The following PURA variants were observed in gnomAD, a reference collection of about 807,000 sequenced individuals.
The protein encoded by PURA is purine rich element binding protein A.
Under a neutral mutation model 23.1 loss-of-function variants are expected in PURA, and 2 were observed. The observed-to-expected ratio is 0.09, with a 90% confidence interval of 0.04 to 0.27. The LOEUF (loss-of-function observed/expected upper bound fraction) is 0.27, where lower values mean the gene tolerates loss of function less well. Among genes scored for constraint, PURA ranks in the 10% least tolerant of loss-of-function variants. The probability of loss-of-function intolerance (pLI) is 1.00; values close to 1 mark genes in which losing one functional copy is unlikely to be tolerated. For synonymous variants in PURA, 254 were observed against 205.9 expected (o/e 1.23, Z -2.00); for missense variants, 187 against 449.7 (o/e 0.42, Z 5.28).
Position 140,122,977 on chromosome 5 carries a change from G to A in PURA, c.*7827G>A, listed in dbSNP as rs980663432. 1.8e-5 allele frequency: 3 copies of A among 166,726 alleles called. No homozygotes were observed. The highest frequency in any genetic ancestry group is 7.3e-5 in the African/African-American group (3 of 41,378). 10.3% of individuals were successfully genotyped at this position (166,726 alleles called of 1,614,324 possible). A position where few individuals can be genotyped will look rare whatever the true frequency, so the allele number is the denominator to read the frequency against. On this transcript the variant is annotated 3_prime_UTR_variant, in exon 1 of 1. Coordinates refer to ENST00000331327, the MANE Select transcript of PURA (RefSeq NM_005859.5). The stretch of plus-strand genomic sequence containing the variant: ...CTCTTTTAAAAATAGCAAAAAAGTG[G>A]TTCTGATTTTGTACTTTGAAGGTAA...
Position 140,116,716 on chromosome 5 carries a change from T to C in PURA, c.*1566T>C, listed in dbSNP as rs1175750899. ...TAAAATATTAATATATTTTTATCAT[T>C]AAACTGCTGCATGACTATCATCTTT... On this transcript the variant is annotated 3_prime_UTR_variant, in exon 1 of 1. Transcript: ENST00000331327. 1 of 166,394 alleles carries C rather than the reference T, an allele frequency of 6.0e-6. No homozygotes were observed. Among genetic ancestry groups the C allele is most frequent in the Non-Finnish European group, 1.5e-5 (1 of 68,064 alleles). The allele number at this position is 166,394 out of a possible 1,614,324, so 10.3% of individuals were successfully genotyped here.
chr5:140,114,495 C>T lies in PURA; in HGVS notation c.314C>T (p.Ser105Leu). 6.2e-7 allele frequency: 1 copy of T among 1,612,182 alleles called. No homozygotes were observed. Among genetic ancestry groups the T allele is most frequent in the Non-Finnish European group, 8.5e-7 (1 of 1,179,510 alleles). ...GNKSRLTLSMSVAVEFRDYLG... is the reference protein window; with the variant it reads ...GNKSRLTLSMLVAVEFRDYLG... ...AAGAGCCGCCTTACTCTCTCCATGT[C>T]AGTGGCCGTGGAGTTCCGCGACTAC... The change falls in exon 1 of 1, where the codon TCA becomes TTA. Residue 105 changes from serine to leucine, a missense_variant. Ser to Leu is a moderately radical substitution (Grantham distance 145, BLOSUM62 -2). Transcript: ENST00000331327.
In PURA at chr5:140,117,280, TC is replaced by T. The variant is rs1488119320; in HGVS notation, c.*2132del. On this transcript the variant is annotated 3_prime_UTR_variant, in exon 1 of 1. Transcript: ENST00000331327. ...TCCCCAGAGGTGCATTTTTCTTATTTCCATATAGTAAAGTTGAGCTTTTACA... is the reference window on the plus strand; with the variant it reads ...TCCCCAGAGGTGCATTTTTCTTATTTCATATAGTAAAGTTGAGCTTTTACA... 6.0e-6 allele frequency: 1 copy of T among 167,030 alleles called. No individual in the cohort carries two copies. 10.3% of individuals were successfully genotyped at this position (167,030 alleles called of 1,614,324 possible). A position where few individuals can be genotyped will look rare whatever the true frequency, so the allele number is the denominator to read the frequency against.
rs997608532 is a variant in PURA at position 140,114,124 on chromosome 5, G to T, written c.-58G>T. On this transcript the variant is annotated 5_prime_UTR_variant, in exon 1 of 1. Transcript: ENST00000331327. Reference sequence around the variant, plus strand: ...GAGGGAAAGCAGCGGCGGCTGAGGCGACTGAGGCGGCGGGCGGAGCGGCAG... The same window carrying T: ...GAGGGAAAGCAGCGGCGGCTGAGGCTACTGAGGCGGCGGGCGGAGCGGCAG... The T allele has an allele frequency of 8.2e-5, 31 of 380,058 alleles. No homozygotes were observed. The highest frequency in any genetic ancestry group is 1.3e-4 in the Non-Finnish European group (31 of 237,530). 23.5% of individuals were successfully genotyped at this position (380,058 alleles called of 1,614,324 possible).
chr5:140,118,303 T>G lies in PURA; in HGVS notation c.*3153T>G, dbSNP rs1331195688. On this transcript the variant is annotated 3_prime_UTR_variant, in exon 1 of 1. Coordinates refer to ENST00000331327, the MANE Select transcript of PURA (RefSeq NM_005859.5). Reference sequence around the variant, plus strand: ...AGTATAAAAGAAAACTTGAACTGCATTGCAATATTGACGTTCTTTAAAATG... The same window carrying G: ...AGTATAAAAGAAAACTTGAACTGCAGTGCAATATTGACGTTCTTTAAAATG... 1 of 167,058 alleles carries G rather than the reference T, an allele frequency of 6.0e-6. No homozygotes were observed. Among genetic ancestry groups the G allele is most frequent in the East Asian group, 1.9e-4 (1 of 5,208 alleles). The allele number at this position is 167,058 out of a possible 1,614,324, so 10.3% of individuals were successfully genotyped here.
In PURA at chr5:140,121,439, C is replaced by T. The variant is rs1488451561; in HGVS notation, c.*6289C>T. The stretch of plus-strand genomic sequence containing the variant: ...GAGTTTGGGTCAAACTCCCATTCAG[C>T]TGGAGTGGATTGGCAATTTTAAATG... On this transcript the variant is annotated 3_prime_UTR_variant, in exon 1 of 1. Transcript: ENST00000331327. 1.2e-5 allele frequency: 2 copies of T among 166,888 alleles called. No homozygotes were observed. Among genetic ancestry groups the T allele is most frequent in the Non-Finnish European group, 2.9e-5 (2 of 68,004 alleles). The allele number at this position is 166,888 out of a possible 1,614,324, so 10.3% of individuals were successfully genotyped here.
Position 140,124,900 on chromosome 5 carries a change from C to G in PURA, c.*9750C>G, listed in dbSNP as rs949124550. Reference sequence around the variant, plus strand: ...TTGATTATTTTTTAATGGAGTTTAACCAGCTTAATTAATGATTTTTCCAGT... The same window carrying G: ...TTGATTATTTTTTAATGGAGTTTAAGCAGCTTAATTAATGATTTTTCCAGT... On this transcript the variant is annotated 3_prime_UTR_variant, in exon 1 of 1. Transcript: ENST00000331327. The G allele has an allele frequency of 6.0e-6, 1 of 166,906 alleles. No homozygotes were observed. The highest frequency in any genetic ancestry group is 1.5e-5 in the Non-Finnish European group (1 of 68,082). The allele number at this position is 166,906 out of a possible 1,614,324, so 10.3% of individuals were successfully genotyped here.
chr5:140,115,446 G>A lies in PURA; in HGVS notation c.*296G>A, dbSNP rs1763065639. 4.6e-6 allele frequency: 1 copy of A among 217,110 alleles called. No individual in the cohort carries two copies. The highest frequency in any genetic ancestry group is 5.9e-5 in the Admixed American group (1 of 16,864). 13.4% of individuals were successfully genotyped at this position (217,110 alleles called of 1,614,324 possible). A position where few individuals can be genotyped will look rare whatever the true frequency, so the allele number is the denominator to read the frequency against. On this transcript the variant is annotated 3_prime_UTR_variant, in exon 1 of 1. Transcript: ENST00000331327. The surrounding 1 kb of genome is among the most constrained non-coding windows in gnomAD (Gnocchi z 4.1). ...AAAGTAATAACATTATATGAACTGTGTTTCCTACTTGATTAAAAAATATAA... is the reference window on the plus strand; with the variant it reads ...AAAGTAATAACATTATATGAACTGTATTTCCTACTTGATTAAAAAATATAA...
At position 140,120,165 on chromosome 5, in the gene PURA, A is replaced by T. The variant is rs1288626637; in HGVS notation, c.*5015A>T. The T allele has an allele frequency of 4.8e-5, 8 of 166,862 alleles. No homozygotes were observed. The highest frequency in any genetic ancestry group is 7.4e-5 in the Non-Finnish European group (5 of 67,946). 10.3% of individuals were successfully genotyped at this position (166,862 alleles called of 1,614,324 possible). ...CTGAGTATAACATTTATAGTTTATT[A>T]TCCCTAAATTTGAATATCTTCATAA... On this transcript the variant is annotated 3_prime_UTR_variant, in exon 1 of 1. Coordinates refer to ENST00000331327, the MANE Select transcript of PURA (RefSeq NM_005859.5).
rs996849211 is a variant in PURA, at chr5:140,123,663, T to A, written c.*8513T>A. On this transcript the variant is annotated 3_prime_UTR_variant, in exon 1 of 1. Coordinates refer to ENST00000331327, the MANE Select transcript of PURA (RefSeq NM_005859.5). ...ATTTGCCAATAAAATCCTTTGTAAA[T>A]GTGAGCTTTATTAAACTGTTTAAAT... 1 of 166,760 alleles carries A rather than the reference T, an allele frequency of 6.0e-6. No homozygotes were observed. Among genetic ancestry groups the A allele is most frequent in the African/African-American group, 2.4e-5 (1 of 41,460 alleles). 10.3% of individuals were successfully genotyped at this position (166,760 alleles called of 1,614,324 possible). A position where few individuals can be genotyped will look rare whatever the true frequency, so the allele number is the denominator to read the frequency against.
rs1184522013 is a variant in PURA, at chr5:140,119,790, A to G, written c.*4640A>G. The stretch of plus-strand genomic sequence containing the variant: ...ATCTGCTAGACCTGGTGACCCCACC[A>G]TATGGGCATGATTATTTTTATCTTC... On this transcript the variant is annotated 3_prime_UTR_variant, in exon 1 of 1. Coordinates refer to ENST00000331327, the MANE Select transcript of PURA (RefSeq NM_005859.5). 7 of 166,782 alleles carry G rather than the reference A, an allele frequency of 4.2e-5. No individual in the cohort carries two copies. 10.3% of individuals were successfully genotyped at this position (166,782 alleles called of 1,614,324 possible).
In PURA at chr5:140,121,312, C is replaced by T. The variant is rs750887151; in HGVS notation, c.*6162C>T. On this transcript the variant is annotated 3_prime_UTR_variant, in exon 1 of 1. Coordinates refer to ENST00000331327, the MANE Select transcript of PURA (RefSeq NM_005859.5). Reference sequence around the variant, plus strand: ...AGGATTTAAGAAAATATGTCCTTATCGTGAAGTGGCAGTTAAAGTTATGGG... The same window carrying T: ...AGGATTTAAGAAAATATGTCCTTATTGTGAAGTGGCAGTTAAAGTTATGGG... 1 of 166,830 alleles carries T rather than the reference C, an allele frequency of 6.0e-6. No homozygotes were observed. Among genetic ancestry groups the T allele is most frequent in the Non-Finnish European group, 1.5e-5 (1 of 67,984 alleles). The allele number at this position is 166,830 out of a possible 1,614,324, so 10.3% of individuals were successfully genotyped here. A position where few individuals can be genotyped will look rare whatever the true frequency, so the allele number is the denominator to read the frequency against.
In PURA at chr5:140,114,711, G is replaced by A; in HGVS notation, c.530G>A (p.Gly177Glu). The part of the protein sequence containing the change: ...FLRIRQTVNR[G>E]PGLGSTQGQT... Reference sequence around the variant, plus strand: ...CGCATCCGCCAGACGGTCAACCGGGGGCCTGGCCTGGGCTCCACGCAGGGC... The same window carrying A: ...CGCATCCGCCAGACGGTCAACCGGGAGCCTGGCCTGGGCTCCACGCAGGGC... The change falls in exon 1 of 1, where the codon GGG (glycine) becomes GAG (glutamate). Residue 177 changes from glycine to glutamate, a missense_variant. This residue lies in a region of PURA where 11 missense variants were observed against 26.4 expected (regional missense o/e 0.42). Transcript: ENST00000331327. The A allele has an allele frequency of 6.2e-7, 1 of 1,612,912 alleles. No individual in the cohort carries two copies. Among genetic ancestry groups the A allele is most frequent in the Non-Finnish European group, 8.5e-7 (1 of 1,179,764 alleles).
rs1294264009 is a variant in PURA at position 140,121,232 on chromosome 5, CTT to C, written c.*6083_*6084del. 6.0e-6 allele frequency: 1 copy of C among 166,892 alleles called. No homozygotes were observed. Among genetic ancestry groups the C allele is most frequent in the African/African-American group, 2.4e-5 (1 of 41,408 alleles). 10.3% of individuals were successfully genotyped at this position (166,892 alleles called of 1,614,324 possible). A position where few individuals can be genotyped will look rare whatever the true frequency, so the allele number is the denominator to read the frequency against. ...GAATTGTGAAAAACATGGAAATACT[CTT>C]GTTAGTGTGTGTTTTGGTCTAAGGT... On this transcript the variant is annotated 3_prime_UTR_variant, in exon 1 of 1. Transcript: ENST00000331327.
In PURA at chr5:140,119,334, C is replaced by T. The variant is rs1763124248; in HGVS notation, c.*4184C>T. 1 of 166,760 alleles carries T rather than the reference C, an allele frequency of 6.0e-6. No homozygotes were observed. The highest frequency in any genetic ancestry group is 2.1e-4 in the South Asian group (1 of 4,822). 10.3% of individuals were successfully genotyped at this position (166,760 alleles called of 1,614,324 possible). On this transcript the variant is annotated 3_prime_UTR_variant, in exon 1 of 1. Coordinates refer to ENST00000331327, the MANE Select transcript of PURA (RefSeq NM_005859.5). Reference sequence around the variant, plus strand: ...TGTAAAACAGTTTGCTTTGTACTGGCATACAGAAAATAGGGTATTGATTTT... The same window carrying T: ...TGTAAAACAGTTTGCTTTGTACTGGTATACAGAAAATAGGGTATTGATTTT...
rs1277827783 is a variant in PURA at position 140,124,191 on chromosome 5, CAGAG to C, written c.*9045_*9048del. ...AAAATTGATAGTTTTATCAATGGAA[CAGAG>C]AGATGTGTTTTTGGCTAAAATTATT... On this transcript the variant is annotated 3_prime_UTR_variant, in exon 1 of 1. Coordinates refer to ENST00000331327, the MANE Select transcript of PURA (RefSeq NM_005859.5). 6.0e-6 allele frequency: 1 copy of C among 166,928 alleles called. No individual in the cohort carries two copies. Among genetic ancestry groups the C allele is most frequent in the African/African-American group, 2.4e-5 (1 of 41,410 alleles). The allele number at this position is 166,928 out of a possible 1,614,324, so 10.3% of individuals were successfully genotyped here.
In PURA at chr5:140,118,441, A is replaced by G. The variant is rs1763114214; in HGVS notation, c.*3291A>G. 6.0e-6 allele frequency: 1 copy of G among 166,910 alleles called. No homozygotes were observed. The allele number at this position is 166,910 out of a possible 1,614,324, so 10.3% of individuals were successfully genotyped here. A position where few individuals can be genotyped will look rare whatever the true frequency, so the allele number is the denominator to read the frequency against. The stretch of plus-strand genomic sequence containing the variant: ...CTTTTAAATCACCAAATTTTTTTTA[A>G]GCTACTTTTTATTTGTGCCTCCTAT... On this transcript the variant is annotated 3_prime_UTR_variant, in exon 1 of 1. Transcript: ENST00000331327.
Position 140,115,176 on chromosome 5 carries a change from CACACACATGCAT to C in PURA, c.*34_*45del. 1 of 1,324,678 alleles carries C rather than the reference CACACACATGCAT, an allele frequency of 7.5e-7. No homozygotes were observed. Among genetic ancestry groups the C allele is most frequent in the Non-Finnish European group, 1.0e-6 (1 of 968,088 alleles). 82.1% of individuals were successfully genotyped at this position (1,324,678 alleles called of 1,614,324 possible). On this transcript the variant is annotated 3_prime_UTR_variant, in exon 1 of 1. Transcript: ENST00000331327. The surrounding 1 kb of genome is among the most constrained non-coding windows in gnomAD (Gnocchi z 4.1). ...TCAAACTGAATGAAACCCCCACACA[CACACACATGCAT>C]ACACACACACACACAGCCACACACA...
In PURA at chr5:140,114,232, G is replaced by A. The variant is rs1345518698; in HGVS notation, c.51G>A (p.Ser17=). ...GSEQGGAALG[S]GGSLGHPGSG... is the part of the protein sequence containing the mutation. ...AGCAGGGTGGTGCGGCGCTGGGTTC[G>A]GGCGGCTCCCTGGGGCACCCCGGCT... The change falls in exon 1 of 1, where the codon TCG becomes TCA. Residue 17 remains serine, a synonymous_variant. Coordinates refer to ENST00000331327, the MANE Select transcript of PURA (RefSeq NM_005859.5). 3 of 1,130,616 alleles carry A rather than the reference G, an allele frequency of 2.7e-6. No homozygotes were observed. In the African/African-American group the frequency reaches 4.9e-5, roughly 19 times the overall value. 70.0% of individuals were successfully genotyped at this position (1,130,616 alleles called of 1,614,324 possible).
Sources: allele counts gnomAD v4.1 joint callset, GRCh38; gene constraint gnomAD v4.1.1; regional missense constraint gnomAD v4.1.1; non-coding constraint Gnocchi (gnomAD v3.1); transcripts MANE v1.5; gene names NCBI Gene and HGNC (gene_info 2026-07-23, HGNC 2026-07-21).